The following NXPE4 variants were observed in gnomAD, a reference collection of about 807,000 sequenced individuals.
The protein encoded by NXPE4 is NXPE family member 4.
In NXPE4, 42 loss-of-function variants were observed where a neutral mutation model predicts 33.3. The ratio of observed to expected loss-of-function variants is 1.26; its 90% CI spans 0.98 to 1.63. NXPE4 has a LOEUF of 1.63. Among genes scored for constraint, NXPE4 ranks in the 40% most tolerant of loss-of-function variants. The pLI, the probability that NXPE4 is intolerant of heterozygous loss-of-function variation, is 0.00. For missense variants in NXPE4, 709 were observed against 647.6 expected (o/e 1.09, Z -1.03); for synonymous variants, 253 against 234.9 (o/e 1.08, Z -0.71).
At chr11:114,609,178 A>G in the NXPE4 span, among the ~76,000 whole-genome samples, 2 of 151,058 alleles carry the variant, frequency 1.3e-5, no homozygotes. Flanking sequence ...GATGATAAAT[A>G]TTGCCTCATG....
the NXPE4 span, among the ~76,000 whole-genome samples, chr11:114,634,028 G>T: frequency 6.6e-6 from 1 of 151,774 alleles, no homozygotes; most frequent in African/African-American, 2.4e-5. Context: ...GATCCCTGAG[G>T]ATTCGCCACA....
chr11:114,609,668 A>G, the NXPE4 span, among the ~76,000 whole-genome samples: 4 of 145,490 alleles, frequency 2.7e-5, no homozygotes, highest in African/African-American at 1.0e-4. Flanking sequence ...ACTATTACCC[A>G]GTGGATAATA....
At chr11:114,635,105 G>T in the NXPE4 span, among the ~76,000 whole-genome samples, 1 of 151,570 alleles carries the variant, frequency 6.6e-6, no homozygotes, top group Non-Finnish European at 1.5e-5. Flanking sequence ...AGCATGGAAT[G>T]TTCTTCCATT....
the NXPE4 span, among the ~76,000 whole-genome samples, chr11:114,632,256 GTATAATATATATGTATA>G: frequency 7.3e-6 from 1 of 136,816 alleles, no homozygotes; most frequent in African/African-American, 2.7e-5. Flanking sequence ...GTGTATATAT[GTATAATATATATGTATA>G]TATACTATAT....
Position 114,582,341 on chromosome 11 carries a change from A to C in NXPE4, c.777T>G (p.Ser259=), listed in dbSNP as rs565606316. 6.2e-7 allele frequency: 1 copy of C among 1,603,660 alleles called. No individual in the cohort carries two copies. The highest frequency in any genetic ancestry group is 8.5e-7 in the Non-Finnish European group (1 of 1,174,270). ...MPCAALTHMY[S]KNKKVSYLSK... ...TAAGATAAGAAACTTTCTTGTTCTT[A>C]GAATACATGTGAGTGAGTGCAGCAC... The change falls in exon 3 of 6, where the codon TCT becomes TCG. Residue 259 remains serine, a synonymous_variant. Coordinates refer to ENST00000375478, the MANE Select transcript of NXPE4 (RefSeq NM_001077639.2).
chr11:114,592,808 T>C (rs1296956306), intron 2 of NXPE4, among the ~76,000 whole-genome samples: 2 of 152,110 alleles, frequency 1.3e-5, no homozygotes, highest in Admixed American at 6.6e-5. Flanking sequence ...AACAGTGTTA[T>C]ACTGGCATAA....
the NXPE4 span, among the ~76,000 whole-genome samples, chr11:114,675,515 A>T: frequency 6.6e-6 from 1 of 151,844 alleles, no homozygotes; most frequent in East Asian, 1.9e-4. Context: ...CTAACAATAA[A>T]CTATCTGAAA....
intron 5 of NXPE4, among the ~76,000 whole-genome samples, chr11:114,579,138 T>C (rs1949077951): frequency 6.6e-6 from 1 of 152,092 alleles, no homozygotes; most frequent in Non-Finnish European, 1.5e-5. Context: ...CTTTTAGTCA[T>C]GGCGGAAGGG....
chr11:114,622,496 A>C, the NXPE4 span, among the ~76,000 whole-genome samples: 4 of 150,714 alleles, frequency 2.7e-5, no homozygotes, highest in African/African-American at 9.8e-5. Context: ...CACTGTTACC[A>C]AGTGGAAAAT....
intron 5 of NXPE4, among the ~76,000 whole-genome samples, chr11:114,573,664 C>G (rs568983415): frequency 6.6e-6 from 1 of 151,926 alleles, no homozygotes; most frequent in East Asian, 1.9e-4. Flanking sequence ...CAGGAAAATA[C>G]CACAATTCTA....
rs745965247 is a variant in NXPE4, at chr11:114,582,639, T to C, written c.479A>G (p.Asn160Ser). 2 of 1,613,918 alleles carry C rather than the reference T, an allele frequency of 1.2e-6. No homozygotes were observed. Among genetic ancestry groups the C allele is most frequent in the Non-Finnish European group, 1.7e-6 (2 of 1,180,002 alleles). ...AGTGAAGCTGACCAGGTAGGTGCCG[T>C]TGTTGAAGTCAGTCACCTTTCCTGA... ...GASGKVTDFN[N>S]GTYLVSFTLF... Residue 160 changes from asparagine (N) to serine (S), a missense_variant, in exon 3 of 6, where the codon AAC (asparagine) becomes AGC (serine). Transcript: ENST00000375478.
At chr11:114,614,110 G>A in the NXPE4 span, among the ~76,000 whole-genome samples, 93 of 151,696 alleles carry the variant, frequency 6.1e-4, no homozygotes, top group Non-Finnish European at 1.1e-3. Context: ...GTGTTGCCTC[G>A]TGGGTAACCA....
rs1414762357 is a variant in NXPE4, at chr11:114,580,328, A to C, written c.903T>G (p.Val301=). The change falls in exon 5 of 6, where the codon GTT becomes GTG. Residue 301 remains valine, a synonymous_variant. Transcript: ENST00000375478. Reference sequence around the variant, plus strand: ...CAAACTTGCATTTCTCTTTCATTGCAACTGTTTCTTCTGCCAAAGAATCAA... The same window carrying C: ...CAAACTTGCATTTCTCTTTCATTGCCACTGTTTCTTCTGCCAAAGAATCAA... The part of the protein sequence containing the change: ...ISVSKCNKET[V]AMKEKCKFGM... 6.2e-7 allele frequency: 1 copy of C among 1,613,876 alleles called. No homozygotes were observed. The highest frequency in any genetic ancestry group is 1.7e-5 in the Admixed American group (1 of 60,008).
At chr11:114,611,872 G>A in the NXPE4 span, among the ~76,000 whole-genome samples, 1 of 150,928 alleles carries the variant, frequency 6.6e-6, no homozygotes, top group East Asian at 2.0e-4. Context: ...CCTGGTGTAT[G>A]AGAAATATTG....
At chr11:114,615,396 G>A in the NXPE4 span, among the ~76,000 whole-genome samples, 21,572 of 151,596 alleles carry the variant, frequency 0.14, 1,906 homozygotes, top group East Asian at 0.38. Flanking sequence ...GTATTGCCTC[G>A]GTAACCACAG....
At chr11:114,578,472 T>C (rs953533633) in intron 5 of NXPE4, among the ~76,000 whole-genome samples, 3 of 152,194 alleles carry the variant, frequency 2.0e-5, no homozygotes, top group African/African-American at 7.2e-5. Flanking sequence ...ATTTTGTAGA[T>C]GAGGTAATTG....
At chr11:114,633,381 T>G in the NXPE4 span, among the ~76,000 whole-genome samples, 75 of 144,220 alleles carry the variant, frequency 5.2e-4, 1 homozygote, top group Non-Finnish European at 9.2e-4. Context: ...ATATTATGTA[T>G]TATATTATAT....
chr11:114,626,196 C>T, the NXPE4 span, among the ~76,000 whole-genome samples: 1 of 152,168 alleles, frequency 6.6e-6, no homozygotes, highest in African/African-American at 2.4e-5. Flanking sequence ...GGGCTGCCTG[C>T]CTCTGTAGGC....
the NXPE4 span, among the ~76,000 whole-genome samples, chr11:114,639,710 A>AATAT: frequency 7.5e-6 from 1 of 133,846 alleles, no homozygotes; most frequent in Non-Finnish European, 1.6e-5. Flanking sequence ...TATATTCTAT[A>AATAT]ATATATAATA....
Sources: gnomAD v4.1 joint callset for allele counts (sites outside exome capture counted in the v4.1 genomes callset) on GRCh38, gnomAD v4.1.1 for gene constraint, MANE v1.5 for transcripts, NCBI Gene and HGNC (gene_info 2026-07-23, HGNC 2026-07-21) for gene names.